SOX5: variants seen among roughly 807,000 people sequenced by gnomAD.
SOX5 encodes transcription factor SOX-5.
Under a neutral mutation model 92.0 loss-of-function variants are expected in SOX5, and 9 were observed. That is an observed-to-expected ratio of 0.10 (90% confidence interval 0.06 to 0.17). The LOEUF (loss-of-function observed/expected upper bound fraction) is 0.17. SOX5 is among the 10% of genes least tolerant of loss of function. The pLI is 1.00. For synonymous variants in SOX5, 344 were observed against 336.3 expected, an observed-to-expected ratio of 1.02 and a Z score of -0.25; for missense variants, 642 against 944.5, an observed-to-expected ratio of 0.68 and a Z score of 4.20.
chr12:24,381,425 A>G (rs1462644654), intron 1 of SOX5, among the ~76,000 whole-genome samples: 1 of 151,986 alleles, frequency 6.6e-6, no homozygotes, highest in Non-Finnish European at 1.5e-5. Flanking sequence ...CATAGTACAT[A>G]CACACATGTC....
intron 6 of SOX5, among the ~76,000 whole-genome samples, chr12:23,719,804 A>AAAAAAAAAAC (rs1567208736): frequency 6.7e-6 from 1 of 150,346 alleles, no homozygotes; most frequent in African/African-American, 2.5e-5. Flanking sequence ...AAAAAAAAAA[A>AAAAAAAAAAC]AAAAAAACTG....
rs536219563 is a variant in SOX5, at chr12:24,444,981, A to G, written c.-250-76342T>C. ...CCCAAGGAAGCTGACCAAAGACAACACTACAGCAACAATAAATACTAGATG... is the reference window on the plus strand; with the variant it reads ...CCCAAGGAAGCTGACCAAAGACAACGCTACAGCAACAATAAATACTAGATG... On this transcript the variant is annotated intron_variant, in intron 1 of 4. Transcript: ENST00000446891. 5.9e-5 allele frequency among the ~76,000 whole-genome samples: 9 copies of G among 152,298 alleles called. No individual in the cohort carries two copies. In the South Asian group the frequency reaches 1.9e-3, roughly 32 times the overall value.
Position 23,534,096 on chromosome 12 carries a change from TTTAAGACTAACAGTTAAA to T in SOX5, c.*105_*122del. The T allele has an allele frequency of 1.2e-6, 1 of 825,776 alleles. No homozygotes were observed. The allele number at this position is 825,776 out of a possible 1,614,324, so 51.2% of individuals were successfully genotyped here. ...TATTAGTCAGCTGATGTCCCAACTA[TTTAAGACTAACAGTTAAA>T]GTAACAGTCAGTGTATGAGAAAGTT... On this transcript the variant is annotated 3_prime_UTR_variant, in exon 15 of 15. Coordinates refer to ENST00000451604, the MANE Select transcript of SOX5 (RefSeq NM_006940.6).
At chr12:23,574,812 A>C (rs1160212814) in intron 10 of SOX5, among the ~76,000 whole-genome samples, 1 of 152,164 alleles carries the variant, frequency 6.6e-6, no homozygotes, top group African/African-American at 2.4e-5. Flanking sequence ...TTCAAGGCTC[A>C]GTTTGAATTA....
At chr12:23,859,167 A>C (rs762453056) in intron 2 of SOX5, among the ~76,000 whole-genome samples, 3 of 152,290 alleles carry the variant, frequency 2.0e-5, no homozygotes, top group Middle Eastern at 6.8e-3. Context: ...GATAACCATA[A>C]GGTCTGGCTG....
intron 1 of SOX5, among the ~76,000 whole-genome samples, chr12:24,502,432 A>G (rs777777040): frequency 1.3e-5 from 2 of 152,222 alleles, no homozygotes; most frequent in Non-Finnish European, 2.9e-5. Flanking sequence ...ATAACACAAA[A>G]CTAAATATTC....
chr12:23,728,278 G>A (rs2093245630), intron 6 of SOX5, among the ~76,000 whole-genome samples: 1 of 152,102 alleles, frequency 6.6e-6, no homozygotes, highest in African/African-American at 2.4e-5. Flanking sequence ...ATTTCACATA[G>A]CAAAACATTA....
chr12:23,778,762 G>GA (rs1229098149), intron 3 of SOX5, among the ~76,000 whole-genome samples: 15 of 152,100 alleles, frequency 9.9e-5, no homozygotes, highest in African/African-American at 3.1e-4. Flanking sequence ...TACTTGAAGA[G>GA]AAAAAATGAG....
At chr12:24,232,816 G>C (rs1292901683) in intron 3 of SOX5, among the ~76,000 whole-genome samples, 1 of 151,948 alleles carries the variant, frequency 6.6e-6, no homozygotes, top group Non-Finnish European at 1.5e-5. Context: ...TTCCACTATT[G>C]AGAAATTGAG....
intron 4 of SOX5, among the ~76,000 whole-genome samples, chr12:24,191,608 A>C (rs1956534332): frequency 6.6e-6 from 1 of 152,204 alleles, no homozygotes; most frequent in Non-Finnish European, 1.5e-5. Flanking sequence ...ACAAGCTTCC[A>C]CATGTTGCTA....
At chr12:24,326,712 A>C (rs915339471) in intron 2 of SOX5, among the ~76,000 whole-genome samples, 4 of 151,518 alleles carry the variant, frequency 2.6e-5, no homozygotes, top group African/African-American at 9.7e-5. Flanking sequence ...TTACTTTCTC[A>C]GCAAAGCCTT....
chr12:24,463,026 T>C (rs1943818626), intron 1 of SOX5, among the ~76,000 whole-genome samples: 1 of 152,070 alleles, frequency 6.6e-6, no homozygotes, highest in African/African-American at 2.4e-5. Flanking sequence ...GAGACCAGCC[T>C]GGGTAACACA....
chr12:24,225,641 G>T (rs994807037), intron 3 of SOX5, among the ~76,000 whole-genome samples: 1 of 152,140 alleles, frequency 6.6e-6, no homozygotes, highest in Non-Finnish European at 1.5e-5. Context: ...CATTGTCATT[G>T]TTGATGTTGT....
chr12:23,966,933 T>G (rs1478240603), intron 4 of SOX5, among the ~76,000 whole-genome samples: 1 of 152,154 alleles, frequency 6.6e-6, no homozygotes, highest in East Asian at 1.9e-4. Context: ...ATAAGACTAC[T>G]CTTCATACCA....
At chr12:24,147,186 G>A (rs940643541) in intron 4 of SOX5, among the ~76,000 whole-genome samples, 9 of 152,080 alleles carry the variant, frequency 5.9e-5, no homozygotes, top group Non-Finnish European at 1.5e-5. Context: ...GAAAAATGCT[G>A]ACCAATGACT....
chr12:24,443,152 G>C (rs989303253), intron 1 of SOX5, among the ~76,000 whole-genome samples: 1 of 151,876 alleles, frequency 6.6e-6, no homozygotes, highest in East Asian at 1.9e-4. Flanking sequence ...GGGTTTCACC[G>C]TGTTGCCCAG....
intron 1 of SOX5, among the ~76,000 whole-genome samples, chr12:24,432,669 G>T (rs1398151287): frequency 6.6e-6 from 1 of 152,076 alleles, no homozygotes; most frequent in African/African-American, 2.4e-5. Context: ...AAAATTAGCT[G>T]GGTGTGGTGG....
chr12:23,848,722 C>T (rs1223882359), intron 2 of SOX5, among the ~76,000 whole-genome samples: 2 of 152,122 alleles, frequency 1.3e-5, no homozygotes, highest in East Asian at 3.8e-4. Flanking sequence ...TCAAGAGAAC[C>T]AGCTAACATA....
intron 4 of SOX5, among the ~76,000 whole-genome samples, chr12:23,963,404 C>A (rs1430218699): frequency 6.6e-6 from 1 of 152,078 alleles, no homozygotes; most frequent in Non-Finnish European, 1.5e-5. Context: ...AAATTCCAGT[C>A]AAATACATAT....
Sources: gnomAD v4.1 joint callset for allele counts (sites outside exome capture counted in the v4.1 genomes callset) on GRCh38, gnomAD v4.1.1 for gene constraint, MANE v1.5 for transcripts, NCBI Gene and HGNC (gene_info 2026-07-23, HGNC 2026-07-21) for gene names.